The following CNTN6 variants were observed in gnomAD, a reference collection of about 807,000 sequenced individuals.
CNTN6 encodes the protein contactin-6.
CNTN6 carries 137 observed loss-of-function variants against 122.8 expected under a neutral mutation model. That is an observed-to-expected ratio of 1.12 (90% confidence interval 0.97 to 1.29). The LOEUF is 1.29. CNTN6 is among the 50% of genes most tolerant of loss of function. The pLI, the probability that CNTN6 is intolerant of heterozygous loss-of-function variation, is 0.00. For missense variants in CNTN6, 1,634 were observed against 1,223.4 expected, an observed-to-expected ratio of 1.34 and a Z score of -5.01; for synonymous variants, 570 against 426.0, an observed-to-expected ratio of 1.34 and a Z score of -4.16.
intron 4 of CNTN6, among the ~76,000 whole-genome samples, chr3:1,241,757 T>A (rs148428634): frequency 6.6e-6 from 1 of 151,906 alleles, no homozygotes; most frequent in African/African-American, 2.4e-5. Flanking sequence ...GTCCTCCTTT[T>A]TCAGCAGTAA....
rs192090900 is a variant in CNTN6 at position 1,102,220 on chromosome 3, G to A, written c.-83+9100G>A. ...GGTTTCCCATATTTGTATGTCTAAT[G>A]TGGTTGTGTAAGGAGCTCTATATGG... is the stretch of plus-strand genomic sequence containing the variant. On this transcript the variant is annotated intron_variant, in intron 1 of 22. Coordinates refer to ENST00000446702, the MANE Select transcript of CNTN6 (RefSeq NM_001289080.2). 4.1e-3 allele frequency among the ~76,000 whole-genome samples: 626 copies of A among 152,286 alleles called. 2 individuals carry two copies. Among genetic ancestry groups the A allele is most frequent in the Middle Eastern group, 0.02 (6 of 294 alleles).
intron 8 of CNTN6, among the ~76,000 whole-genome samples, chr3:1,325,273 C>T (rs1701371200): frequency 2.0e-5 from 3 of 151,928 alleles, no homozygotes; most frequent in Admixed American, 2.0e-4. Context: ...TTCACCATTC[C>T]TTGTCAAGAA....
intron 12 of CNTN6, among the ~76,000 whole-genome samples, chr3:1,361,085 A>G (rs1178001720): frequency 6.6e-6 from 1 of 152,012 alleles, no homozygotes; most frequent in Admixed American, 6.6e-5. Flanking sequence ...CTCAACCAGG[A>G]TGATTTTGTC....
intron 2 of CNTN6, among the ~76,000 whole-genome samples, chr3:1,196,869 T>C (rs2093785411): frequency 1.3e-5 from 2 of 152,200 alleles, no homozygotes; most frequent in Admixed American, 6.5e-5. Flanking sequence ...GTAAAAGCTG[T>C]CCACCTATAA....
At chr3:1,102,775 A>T (rs1559316381) in intron 1 of CNTN6, among the ~76,000 whole-genome samples, 1 of 148,930 alleles carries the variant, frequency 6.7e-6, no homozygotes, top group African/African-American at 2.4e-5. Context: ...CATTAAAATA[A>T]TAGGTAGGCT....
chr3:1,304,131 A>T (rs545368344), intron 7 of CNTN6, among the ~76,000 whole-genome samples: 1 of 152,258 alleles, frequency 6.6e-6, no homozygotes, highest in South Asian at 2.1e-4. Flanking sequence ...GTGACACAGT[A>T]CTTTACTACT....
At chr3:1,163,646 G>C (rs7630020) in intron 2 of CNTN6, among the ~76,000 whole-genome samples, 60,360 of 151,976 alleles carry the variant, frequency 0.4, 12,354 homozygotes, top group South Asian at 0.48. Flanking sequence ...TGGAACTACT[G>C]GCTTCAAGTG....
chr3:1,238,529 T>G (rs1344198373), intron 4 of CNTN6, among the ~76,000 whole-genome samples: 1 of 152,082 alleles, frequency 6.6e-6, no homozygotes, highest in Non-Finnish European at 1.5e-5. Context: ...ACTAGACAAG[T>G]CATCAAGACA....
intron 8 of CNTN6, among the ~76,000 whole-genome samples, chr3:1,323,564 A>T (rs543482322): frequency 6.6e-6 from 1 of 151,962 alleles, no homozygotes; most frequent in African/African-American, 2.4e-5. Context: ...TGAGAAATTC[A>T]AGAAAAGAAT....
At chr3:1,245,320 ATATAT>A (rs1227351081) in intron 4 of CNTN6, among the ~76,000 whole-genome samples, 1 of 30,092 alleles carries the variant, frequency 3.3e-5, no homozygotes. Context: ...ATATATATAT[ATATAT>A]ATATATATAT....
At position 1,159,860 on chromosome 3, in the gene CNTN6, C is replaced by A. The variant is rs575883758; in HGVS notation, c.55+11797C>A. ...CCTCAAGACAAAGTCTTGCTCTGTC[C>A]CCCAGGCTGGAGTACAGTGGCGCGG... On this transcript the variant is annotated intron_variant, in intron 2 of 22. Coordinates refer to ENST00000446702, the MANE Select transcript of CNTN6 (RefSeq NM_001289080.2). 1.0e-3 allele frequency among the ~76,000 whole-genome samples: 156 copies of A among 151,870 alleles called. 1 individual carries two copies. The highest frequency in any genetic ancestry group is 3.5e-3 in the African/African-American group (146 of 41,428).
chr3:1,249,776 T>C (rs1324315403), intron 4 of CNTN6, among the ~76,000 whole-genome samples: 6 of 152,184 alleles, frequency 3.9e-5, no homozygotes, highest in Admixed American at 3.9e-4. Flanking sequence ...CTAGAGTTCT[T>C]AGTAGGGTAT....
intron 12 of CNTN6, among the ~76,000 whole-genome samples, chr3:1,352,773 T>A (rs1705861011): frequency 1.3e-5 from 2 of 151,738 alleles, no homozygotes; most frequent in South Asian, 4.2e-4. Flanking sequence ...CTGGATAACA[T>A]TTTTTTGGTC....
At chr3:1,372,019 C>T (rs1214882575) in intron 12 of CNTN6, among the ~76,000 whole-genome samples, 2 of 152,062 alleles carry the variant, frequency 1.3e-5, no homozygotes, top group East Asian at 3.9e-4. Flanking sequence ...GCAGTGCATC[C>T]TGTATATATG....
chr3:1,311,322 A>T (rs919976656), intron 7 of CNTN6, among the ~76,000 whole-genome samples: 16 of 141,932 alleles, frequency 1.1e-4, no homozygotes, highest in African/African-American at 3.7e-4. Context: ...TAAAATGTAT[A>T]TATACATATA....
At chr3:1,117,612 G>A (rs1460658508) in intron 1 of CNTN6, among the ~76,000 whole-genome samples, 2 of 152,254 alleles carry the variant, frequency 1.3e-5, no homozygotes, top group East Asian at 1.9e-4. Flanking sequence ...ATGCATTTAA[G>A]TTCACCTGCA....
chr3:1,125,078 C>T (rs149569133), intron 1 of CNTN6, among the ~76,000 whole-genome samples: 208 of 152,030 alleles, frequency 1.4e-3, no homozygotes, highest in African/African-American at 4.8e-3. Flanking sequence ...GTATCTGGAA[C>T]ATTCAGGAAA....
At chr3:1,369,138 C>G (rs1054601819) in intron 12 of CNTN6, among the ~76,000 whole-genome samples, 1 of 152,204 alleles carries the variant, frequency 6.6e-6, no homozygotes, top group African/African-American at 2.4e-5. Context: ...AGTTTCCTCT[C>G]TCTACCTGCT....
At chr3:1,400,477 C>G (rs1474116009) in intron 20 of CNTN6, among the ~76,000 whole-genome samples, 1 of 143,816 alleles carries the variant, frequency 7.0e-6, no homozygotes, top group Non-Finnish European at 1.6e-5. Flanking sequence ...CCCACCATCT[C>G]TCACGCAGAC....
Sources: allele counts gnomAD v4.1 joint callset (sites outside exome capture counted in the v4.1 genomes callset), GRCh38; gene constraint gnomAD v4.1.1; transcripts MANE v1.5; gene names NCBI Gene and HGNC (gene_info 2026-07-23, HGNC 2026-07-21).